The following ANO1 variants were observed in gnomAD, a reference collection of about 807,000 sequenced individuals.
The protein encoded by ANO1 is anoctamin 1.
A neutral mutation model predicts 124.0 loss-of-function variants in ANO1; 59 were observed. The ratio of observed to expected loss-of-function variants is 0.48; its 90% CI spans 0.39 to 0.59. ANO1 has a LOEUF of 0.59. ANO1 is among the 20% of genes least tolerant of loss of function. The pLI is 0.00. For synonymous variants in ANO1, 529 were observed against 532.0 expected (o/e 0.99, Z 0.08); for missense variants, 1,059 against 1,328.0 (o/e 0.80, Z 3.15).
intron 12 of ANO1, among the ~76,000 whole-genome samples, chr11:70,150,791 A>G (rs979594755): frequency 2.6e-5 from 4 of 152,036 alleles, no homozygotes; most frequent in African/African-American, 9.7e-5. Context: ...TTTTTCATGC[A>G]TTTTTATTGT....
chr11:70,033,810 G>A (rs1176654000), intron 1 of ANO1, among the ~76,000 whole-genome samples: 1 of 152,120 alleles, frequency 6.6e-6, no homozygotes, highest in Non-Finnish European at 1.5e-5. Flanking sequence ...TGGAGTCATT[G>A]CCAAGAGGCC....
At chr11:69,974,852 T>C in the ANO1 span, among the ~76,000 whole-genome samples, 1 of 148,828 alleles carries the variant, frequency 6.7e-6, no homozygotes, top group Non-Finnish European at 1.5e-5. Flanking sequence ...CGGAGTCCGG[T>C]TCTTATCTGA....
chr11:70,062,296 C>T (rs1047384149), intron 1 of ANO1, among the ~76,000 whole-genome samples: 2 of 152,052 alleles, frequency 1.3e-5, no homozygotes, highest in Non-Finnish European at 2.9e-5. Context: ...AGGCTGGTCT[C>T]GAACTCCTGA....
chr11:70,121,651 T>C (rs1449510289), intron 8 of ANO1, among the ~76,000 whole-genome samples: 52 of 131,962 alleles, frequency 3.9e-4, no homozygotes, highest in Non-Finnish European at 5.2e-4. Flanking sequence ...TCTGTCTCTG[T>C]CTCTCCATCT....
intron 1 of ANO1, among the ~76,000 whole-genome samples, chr11:70,052,589 T>A (rs1857369737): frequency 7.3e-6 from 1 of 136,776 alleles, no homozygotes; most frequent in African/African-American, 2.7e-5. Flanking sequence ...TTTTTTTCTT[T>A]TCGCCCAGGC....
intron 3 of ANO1, among the ~76,000 whole-genome samples, 187 bp downstream of exon 3, chr11:70,103,351 A>T (rs965128375): frequency 9.2e-5 from 14 of 151,924 alleles, no homozygotes; most frequent in African/African-American, 2.9e-4. Flanking sequence ...TGGGGTCCTG[A>T]CCGTGGTGAA....
chr11:70,085,650 T>TGA, intron 1 of ANO1: 1 of 1,513,940 alleles, frequency 6.6e-7, no homozygotes, highest in Non-Finnish European at 8.8e-7. Context: ...TCTAGACCCT[T>TGA]GACATCAACA....
intron 1 of ANO1, among the ~76,000 whole-genome samples, chr11:70,009,071 C>T (rs112340060): frequency 8.3e-4 from 126 of 152,334 alleles, no homozygotes; most frequent in Admixed American, 2.5e-3. Flanking sequence ...CCTCCACAGA[C>T]ATTTCCCGCA....
At position 70,165,478 on chromosome 11, in the gene ANO1, AG is replaced by A; in HGVS notation, c.1964del (p.Gly655AlafsTer3). The A allele has an allele frequency of 6.2e-7, 1 of 1,609,752 alleles. No homozygotes were observed. The highest frequency in any genetic ancestry group is 1.1e-5 in the South Asian group (1 of 89,770). ...CTGCTCTCTGTCCACAGTGTGCGCC[AG>A]GGGGCTGCCTGATGGAGCTATGCAT... ...RSFRMEECAP[G>X]GCLMELCIQL... is the part of the protein sequence containing the mutation. On this transcript the variant is annotated frameshift_variant, in exon 20 of 26. Transcript: ENST00000355303. LOFTEE classifies it high-confidence loss of function.
intron 4 of ANO1, among the ~76,000 whole-genome samples, chr11:70,104,697 TCTG>T (rs1309997275): frequency 6.6e-6 from 1 of 152,182 alleles, no homozygotes; most frequent in Non-Finnish European, 1.5e-5. Flanking sequence ...CTGCAAGGCC[TCTG>T]CTGGCCTCAC....
At chr11:70,124,702 C>G (rs1429438452) in intron 9 of ANO1, among the ~76,000 whole-genome samples, 5 of 152,088 alleles carry the variant, frequency 3.3e-5, no homozygotes, top group African/African-American at 7.2e-5. Context: ...GGAGGGTTTT[C>G]CGGATTTGAG....
At chr11:70,124,508 TA>T in intron 9 of ANO1, 94 bp downstream of exon 9, 1 of 1,309,700 alleles carries the variant, frequency 7.6e-7, no homozygotes. Context: ...GAATGTTCAG[TA>T]CCCGGGAACG....
intron 2 of ANO1, among the ~76,000 whole-genome samples, chr11:70,091,050 G>A (rs543788293): frequency 1.1e-4 from 16 of 152,350 alleles, no homozygotes; most frequent in African/African-American, 3.6e-4. Flanking sequence ...CTGTTCTCCT[G>A]GAGAGGGGCA....
At chr11:69,979,733 C>A in the ANO1 span, among the ~76,000 whole-genome samples, 1 of 152,172 alleles carries the variant, frequency 6.6e-6, no homozygotes, top group East Asian at 1.9e-4. Context: ...TCCTGCAAAA[C>A]ACTTTTAGGG....
chr11:70,118,831 G>C (rs1449523883), intron 8 of ANO1, among the ~76,000 whole-genome samples: 1 of 151,952 alleles, frequency 6.6e-6, no homozygotes, highest in Non-Finnish European at 1.5e-5. Context: ...GATGATGGGT[G>C]GGTGTGTGGA....
chr11:69,979,680 CA>C, the ANO1 span, among the ~76,000 whole-genome samples: 1 of 152,218 alleles, frequency 6.6e-6, no homozygotes, highest in Admixed American at 6.5e-5. Flanking sequence ...AAGCAATCCT[CA>C]TTCTTCCTTT....
chr11:70,156,996 C>A lies in ANO1; in HGVS notation c.1553C>A (p.Thr518Asn). Reference sequence around the variant, plus strand: ...AGAGATCGGTTCCCAGCCTACCTCACTAACTTGGTCTCCATCATCTTCATG... The same window carrying A: ...AGAGATCGGTTCCCAGCCTACCTCAATAACTTGGTCTCCATCATCTTCATG... ...TWRDRFPAYLTNLVSIIFMIA... is the reference protein window; with the variant it reads ...TWRDRFPAYLNNLVSIIFMIA... Residue 518 changes from threonine to asparagine, a missense_variant, in exon 16 of 26, where the codon ACT (threonine) becomes AAT (asparagine). Coordinates refer to ENST00000355303, the MANE Select transcript of ANO1 (RefSeq NM_018043.7). 1 of 1,613,608 alleles carries A rather than the reference C, an allele frequency of 6.2e-7. No homozygotes were observed. The highest frequency in any genetic ancestry group is 8.5e-7 in the Non-Finnish European group (1 of 1,179,770).
At chr11:70,146,307 C>T (rs1186777177) in intron 11 of ANO1, among the ~76,000 whole-genome samples, 6 of 152,190 alleles carry the variant, frequency 3.9e-5, no homozygotes, top group African/African-American at 1.4e-4. Flanking sequence ...GGGAATCCTC[C>T]TTCCTGCCTG....
intron 1 of ANO1, among the ~76,000 whole-genome samples, chr11:70,000,030 G>A (rs952753184): frequency 2.5e-4 from 38 of 152,176 alleles, no homozygotes; most frequent in African/African-American, 8.7e-4. Context: ...GCTCGCTGCT[G>A]CCAAGATAAA....
Sources: allele counts gnomAD v4.1 joint callset (sites outside exome capture counted in the v4.1 genomes callset), GRCh38; gene constraint gnomAD v4.1.1; transcripts MANE v1.5; gene names NCBI Gene and HGNC (gene_info 2026-07-23, HGNC 2026-07-21).